The following ICOS variants were observed in gnomAD, a reference collection of about 807,000 sequenced individuals.
The protein encoded by ICOS is inducible T-cell costimulator.
Under a neutral mutation model 24.6 loss-of-function variants are expected in ICOS, and 15 were observed. The observed-to-expected ratio is 0.61, with a 90% CI of 0.41 to 0.94. The LOEUF (loss-of-function observed/expected upper bound fraction) is 0.94. ICOS is among the 40% of genes least tolerant of loss of function. The probability of loss-of-function intolerance (pLI) is 0.00; values close to 1 mark genes in which losing one functional copy is unlikely to be tolerated. For missense variants in ICOS, 200 were observed against 233.0 expected (o/e 0.86, Z 0.92); for synonymous variants, 89 against 77.5 (o/e 1.15, Z -0.78).
chr2:203,941,541 C>T (rs1689775792), intron 1 of ICOS, among the ~76,000 whole-genome samples: 1 of 152,120 alleles, frequency 6.6e-6, no homozygotes, highest in Non-Finnish European at 1.5e-5. Flanking sequence ...ATACTGCTTC[C>T]CTACTCTAAG....
At chr2:203,945,046 C>T (rs912432416) in intron 1 of ICOS, among the ~76,000 whole-genome samples, 2 of 81,638 alleles carry the variant, frequency 2.4e-5, no homozygotes, top group Non-Finnish European at 7.5e-5. Context: ...ATTGTGAAAG[C>T]ATTTTGTGTC....
At chr2:203,949,636 A>G (rs1160275235) in intron 1 of ICOS, among the ~76,000 whole-genome samples, 2 of 152,216 alleles carry the variant, frequency 1.3e-5, no homozygotes, top group East Asian at 3.8e-4. Context: ...CATATCAAAG[A>G]TAGTATGAGA....
chr2:203,959,920 C>A lies in ICOS; in HGVS notation c.*321C>A. On this transcript the variant is annotated 3_prime_UTR_variant, in exon 5 of 5. Coordinates refer to ENST00000316386, the MANE Select transcript of ICOS (RefSeq NM_012092.4). ...AGTGCATCAGCCAGTAAAACAAACA[C>A]ATTTACAAGAAAAATGTTTTAAAGA... is the stretch of plus-strand genomic sequence containing the variant. The A allele has an allele frequency of 2.2e-6, 1 of 453,356 alleles. No individual in the cohort carries two copies. 28.1% of individuals were successfully genotyped at this position (453,356 alleles called of 1,614,324 possible).
chr2:203,960,801 A>G lies in ICOS; in HGVS notation c.*1202A>G, dbSNP rs542632263. The G allele has an allele frequency of 6.6e-6, 1 of 152,214 alleles. No homozygotes were observed. Among genetic ancestry groups the G allele is most frequent in the Non-Finnish European group, 1.5e-5 (1 of 68,052 alleles). 9.4% of individuals were successfully genotyped at this position (152,214 alleles called of 1,614,324 possible). On this transcript the variant is annotated 3_prime_UTR_variant, in exon 5 of 5. Coordinates refer to ENST00000316386, the MANE Select transcript of ICOS (RefSeq NM_012092.4). The stretch of plus-strand genomic sequence containing the variant: ...GAGAGACTCCCCTGAGCCAGAGGCC[A>G]CTAGGTATTCTTGCTCCCAGAGGCT...
rs373368532 is a variant in ICOS at position 203,957,864 on chromosome 2, C to G, written c.567C>G (p.Ala189=). ...TGTTCATGAGAGCAGTGAACACAGC[C>G]AAAAAATCTAGACTCACAGGTATGA... The part of the protein sequence containing the change: ...EYMFMRAVNT[A]KKSRLTDVTL The change falls in exon 4 of 5, where the codon GCC becomes GCG. Residue 189 remains alanine, a synonymous_variant. Transcript: ENST00000316386. 1.7e-5 allele frequency: 28 copies of G among 1,609,998 alleles called. No individual in the cohort carries two copies. The African/African-American group carries it at 3.3e-4, about 19-fold the overall frequency.
intron 1 of ICOS, among the ~76,000 whole-genome samples, chr2:203,940,803 A>G (rs1045587906): frequency 6.0e-5 from 9 of 151,230 alleles, no homozygotes; most frequent in African/African-American, 2.2e-4. Context: ...TTTTTTTTTG[A>G]GGCGGAGTCT....
chr2:203,948,536 G>A (rs1181391256), intron 1 of ICOS, among the ~76,000 whole-genome samples: 1 of 152,162 alleles, frequency 6.6e-6, no homozygotes, highest in East Asian at 1.9e-4. Flanking sequence ...AATACTGATT[G>A]CAGCTTACAA....
chr2:203,941,616 A>C (rs1370169384), intron 1 of ICOS, among the ~76,000 whole-genome samples: 2 of 152,214 alleles, frequency 1.3e-5, no homozygotes, highest in Non-Finnish European at 2.9e-5. Flanking sequence ...TGAGTTTTAA[A>C]ATCATTTGTA....
chr2:203,944,396 TCTC>T, intron 1 of ICOS, among the ~76,000 whole-genome samples: 1 of 152,116 alleles, frequency 6.6e-6, no homozygotes, highest in African/African-American at 2.4e-5. Context: ...GTCGGAAACT[TCTC>T]CACAAACAGA....
rs919122996 is a variant in ICOS, at chr2:203,959,724, T to G, written c.*125T>G. Reference sequence around the variant, plus strand: ...AACTACATACATCTTCTGCTGGTGTTTTGTTCAATCTGGAAGAATGACTGT... The same window carrying G: ...AACTACATACATCTTCTGCTGGTGTGTTGTTCAATCTGGAAGAATGACTGT... On this transcript the variant is annotated 3_prime_UTR_variant, in exon 5 of 5. Transcript: ENST00000316386. 2 of 892,032 alleles carry G rather than the reference T, an allele frequency of 2.2e-6. No individual in the cohort carries two copies. Among genetic ancestry groups the G allele is most frequent in the Non-Finnish European group, 3.7e-6 (2 of 536,752 alleles). The allele number at this position is 892,032 out of a possible 1,614,324, so 55.3% of individuals were successfully genotyped here.
chr2:203,950,010 G>C (rs1689941917), intron 1 of ICOS, among the ~76,000 whole-genome samples: 1 of 152,232 alleles, frequency 6.6e-6, no homozygotes, highest in African/African-American at 2.4e-5. Flanking sequence ...ATGGTTATAA[G>C]GGGCAGTCTC....
At chr2:203,952,699 A>G (rs1690006615) in intron 1 of ICOS, among the ~76,000 whole-genome samples, 1 of 152,068 alleles carries the variant, frequency 6.6e-6, no homozygotes, top group South Asian at 2.1e-4. Context: ...CGATTCTTGT[A>G]GGTTCTTTTT....
chr2:203,960,237 A>G lies in ICOS; in HGVS notation c.*638A>G, dbSNP rs556365010. On this transcript the variant is annotated 3_prime_UTR_variant, in exon 5 of 5. Coordinates refer to ENST00000316386, the MANE Select transcript of ICOS (RefSeq NM_012092.4). ...TTCTTTTTAAAAATACTTCTACATG[A>G]CTGCTTGACAGCCCAACAGCCACTC... The G allele has an allele frequency of 3.7e-5, 6 of 160,414 alleles. No individual in the cohort carries two copies. The highest frequency in any genetic ancestry group is 8.3e-5 in the Non-Finnish European group (6 of 72,126). The allele number at this position is 160,414 out of a possible 1,614,324, so 9.9% of individuals were successfully genotyped here.
intron 2 of ICOS, 26 bp downstream of exon 2, chr2:203,955,997 A>G (rs759629643): frequency 1.8e-5 from 27 of 1,500,280 alleles, no homozygotes; most frequent in African/African-American, 2.8e-5. Flanking sequence ...CATCTTCCAA[A>G]CTTAAGAGTA....
chr2:203,943,830 G>A (rs1477846703), intron 1 of ICOS, among the ~76,000 whole-genome samples: 2 of 152,120 alleles, frequency 1.3e-5, no homozygotes, highest in African/African-American at 2.4e-5. Flanking sequence ...CTGCTGTGGG[G>A]GATGTGGGTG....
chr2:203,937,012 G>C, intron 1 of ICOS, 140 bp downstream of exon 1: 3 of 684,858 alleles, frequency 4.4e-6, no homozygotes, highest in Non-Finnish European at 7.9e-6. Context: ...TATGGCCAAG[G>C]GCACCATGTC....
intron 1 of ICOS, among the ~76,000 whole-genome samples, chr2:203,952,547 G>C (rs755617666): frequency 6.6e-6 from 1 of 152,004 alleles, no homozygotes; most frequent in Non-Finnish European, 1.5e-5. Flanking sequence ...TGAATTGTTG[G>C]GATTCTTGAA....
At chr2:203,949,544 G>T (rs1689933655) in intron 1 of ICOS, among the ~76,000 whole-genome samples, 1 of 152,174 alleles carries the variant, frequency 6.6e-6, no homozygotes, top group African/African-American at 2.4e-5. Flanking sequence ...GTAAAGCTGA[G>T]GGTATTTATA....
At chr2:203,957,664 G>C in intron 3 of ICOS, 135 bp from the exon 4 acceptor site, 2 of 716,712 alleles carry the variant, frequency 2.8e-6, no homozygotes, top group Non-Finnish European at 5.1e-6. Context: ...TTTCTACTTA[G>C]CCTAAAGCCA....
Sources: gnomAD v4.1 joint callset for allele counts (sites outside exome capture counted in the v4.1 genomes callset) on GRCh38, gnomAD v4.1.1 for gene constraint, MANE v1.5 for transcripts, NCBI Gene and HGNC (gene_info 2026-07-23, HGNC 2026-07-21) for gene names.